The following HK1 variants were observed in gnomAD, a reference collection of about 807,000 sequenced individuals.
HK1 encodes the protein hexokinase 1.
In HK1, 28 loss-of-function variants were observed where a neutral mutation model predicts 91.6. The ratio of observed to expected loss-of-function variants is 0.31; its 90% CI spans 0.23 to 0.42. HK1 has a LOEUF of 0.42. Among genes scored for constraint, HK1 ranks in the 10% least tolerant of loss-of-function variants. The probability of loss-of-function intolerance (pLI) is 1.00; values close to 1 mark genes in which losing one functional copy is unlikely to be tolerated. For synonymous variants in HK1, 430 were observed against 468.1 expected (o/e 0.92, Z 1.05); for missense variants, 770 against 1,219.8 (o/e 0.63, Z 5.49).
At chr10:69,295,032 A>AGG (rs1363818154) in intron 3 of HK1, among the ~76,000 whole-genome samples, 2 of 146,020 alleles carry the variant, frequency 1.4e-5, no homozygotes, top group African/African-American at 5.1e-5. Context: ...AGAGAGAGAG[A>AGG]GAGAAAGAGA....
At chr10:69,290,607 T>C (rs1413530913) in intron 3 of HK1, among the ~76,000 whole-genome samples, 2 of 152,218 alleles carry the variant, frequency 1.3e-5, no homozygotes, top group African/African-American at 4.8e-5. Flanking sequence ...CATGCAGTTT[T>C]CCTGCCTCAG....
Position 69,398,713 on chromosome 10 carries a change from C to G in HK1, c.2494C>G (p.Gln832Glu). The change falls in exon 17 of 18, where the codon CAG becomes GAG. Residue 832 changes from glutamine to glutamate, a missense_variant. Transcript: ENST00000359426. ...VCGVVSRRAA[Q>E]LCGAGMAAVV... ...CGGGGTGGTGTCCAGGAGGGCCGCA[C>G]AGCTGTGTGGCGCAGGCATGGCTGC... is the stretch of plus-strand genomic sequence containing the variant. The G allele has an allele frequency of 6.2e-7, 1 of 1,614,216 alleles. No individual in the cohort carries two copies. The highest frequency in any genetic ancestry group is 8.5e-7 in the Non-Finnish European group (1 of 1,180,032).
chr10:69,306,020 C>T (rs532857048), intron 5 of HK1, among the ~76,000 whole-genome samples: 24 of 152,148 alleles, frequency 1.6e-4, no homozygotes, highest in African/African-American at 5.5e-4. Context: ...ATCTGTGACC[C>T]ACACTTTTTC....
chr10:69,379,533 T>C (rs1232725402), intron 8 of HK1, among the ~76,000 whole-genome samples: 3 of 152,000 alleles, frequency 2.0e-5, no homozygotes, highest in Non-Finnish European at 2.9e-5. Context: ...GAGTGGGAGG[T>C]TCTCCTGAGC....
At chr10:69,312,869 TA>T (rs1473688338), upstream of HK1, among the ~76,000 whole-genome samples, 4 of 152,198 alleles carry the variant, frequency 2.6e-5, no homozygotes, top group African/African-American at 9.6e-5. Flanking sequence ...TGTTGATCTT[TA>T]AGGGCCTTTC....
intron 3 of HK1, among the ~76,000 whole-genome samples, chr10:69,291,170 G>A (rs1481046390): frequency 6.6e-6 from 1 of 152,244 alleles, no homozygotes; most frequent in Non-Finnish European, 1.5e-5. Context: ...GGCCAGGCCA[G>A]CCTTGGAGAG....
In HK1 at chr10:69,275,810, C is replaced by A. The variant is rs907253390; in HGVS notation, c.-391+5702C>A. Among the ~76,000 whole-genome samples, 35 of 152,100 alleles carry A rather than the reference C, an allele frequency of 2.3e-4. 2 individuals carry two copies. Among genetic ancestry groups the A allele is most frequent in the Admixed American group, 2.3e-3 (35 of 15,244 alleles). ...GCACTTAAAATATATTCTGTATTAG[C>A]TGGGCACAGTGGCTCATGCCTGTAA... On this transcript the variant is annotated intron_variant, in intron 1 of 21. Transcript: ENST00000360289.
At chr10:69,347,531 G>A (rs777017471) in intron 2 of HK1, among the ~76,000 whole-genome samples, 5 of 151,818 alleles carry the variant, frequency 3.3e-5, no homozygotes, top group African/African-American at 9.7e-5. Context: ...CGCCTCCCGG[G>A]TTCAAGCAAT....
intron 3 of HK1, chr10:69,288,830 A>C: frequency 6.9e-7 from 1 of 1,443,972 alleles, no homozygotes; most frequent in Middle Eastern, 1.8e-4. Flanking sequence ...TCCATCGCCC[A>C]GGCTGGAGTG....
At chr10:69,281,436 C>G (rs748798220) in intron 1 of HK1, among the ~76,000 whole-genome samples, 1 of 152,228 alleles carries the variant, frequency 6.6e-6, no homozygotes, top group Non-Finnish European at 1.5e-5. Context: ...TCTTTCTCTT[C>G]CTCATCCTCC....
At chr10:69,368,782 G>C (rs1849837411) in intron 5 of HK1, 151 bp downstream of exon 5, 1 of 722,722 alleles carries the variant, frequency 1.4e-6, no homozygotes, top group East Asian at 2.7e-5. Flanking sequence ...AGTGTGGAAT[G>C]ATGAGGATGG....
rs1309852859 is a variant in HK1, at chr10:69,401,568, T to TC, written c.*436dup. The TC allele has an allele frequency of 2.8e-6, 1 of 362,908 alleles. No individual in the cohort carries two copies. Among genetic ancestry groups the TC allele is most frequent in the Non-Finnish European group, 5.4e-6 (1 of 184,894 alleles). 22.5% of individuals were successfully genotyped at this position (362,908 alleles called of 1,614,324 possible). A position where few individuals can be genotyped will look rare whatever the true frequency, so the allele number is the denominator to read the frequency against. ...ACCAGCAGACACTGCCGGGCCTCCCTCCCGGGGGCACTGCCTGAAGGCGAG... is the reference window on the plus strand; with the variant it reads ...ACCAGCAGACACTGCCGGGCCTCCCTCCCCGGGGGCACTGCCTGAAGGCGAG... On this transcript the variant is annotated 3_prime_UTR_variant, in exon 18 of 18. Coordinates refer to ENST00000359426, the MANE Select transcript of HK1 (RefSeq NM_000188.3).
Position 69,343,188 on chromosome 10 carries a change from C to T in HK1, c.64-639C>T, listed in dbSNP as rs549815524. Among the ~76,000 whole-genome samples the T allele has an allele frequency of 2.2e-4, 33 of 152,292 alleles. No homozygotes were observed. The South Asian group carries it at 6.6e-3, about 31-fold the overall frequency. On this transcript the variant is annotated intron_variant, in intron 1 of 17. Coordinates refer to ENST00000359426, the MANE Select transcript of HK1 (RefSeq NM_000188.3). ...CTCAGAAGGGTCCTAGCCCTTTGGC[C>T]GCCATTTCTGTCTTTCTAGAAGTCT...
rs373361534 is a variant in HK1, at chr10:69,318,943, C to T, written c.-5C>T. On this transcript the variant is annotated 5_prime_UTR_variant, in exon 1 of 18. Transcript: ENST00000359426. ...GCCTGCCGCCCCGCGACCCCGACCG[C>T]CAGCATGATCGCCGCGCAGCTCCTG... 12 of 1,591,282 alleles carry T rather than the reference C, an allele frequency of 7.5e-6. No individual in the cohort carries two copies. Among genetic ancestry groups the T allele is most frequent in the Admixed American group, 1.7e-5 (1 of 57,960 alleles).
intron 1 of HK1, among the ~76,000 whole-genome samples, chr10:69,279,481 AC>A (rs1487397987): frequency 6.6e-6 from 1 of 152,186 alleles, no homozygotes; most frequent in Non-Finnish European, 1.5e-5. Flanking sequence ...GAGAGGCTGA[AC>A]TGGGTTTGCA....
At chr10:69,367,290 G>C (rs1213752075) in intron 4 of HK1, among the ~76,000 whole-genome samples, 1 of 152,188 alleles carries the variant, frequency 6.6e-6, no homozygotes, top group African/African-American at 2.4e-5. Flanking sequence ...CCCATCCAGA[G>C]GCCTGTGCAT....
chr10:69,325,682 G>A (rs1053108417), intron 1 of HK1, among the ~76,000 whole-genome samples: 2 of 151,326 alleles, frequency 1.3e-5, no homozygotes, highest in South Asian at 2.1e-4. Flanking sequence ...GATTACAGTC[G>A]CCTGCCACCA....
intron 2 of HK1, among the ~76,000 whole-genome samples, chr10:69,358,503 C>A (rs1397356650): frequency 2.0e-5 from 3 of 152,136 alleles, no homozygotes; most frequent in Non-Finnish European, 2.9e-5. Context: ...ACCCAAGGGT[C>A]CATCAACAGA....
At chr10:69,309,185 C>CTT (rs779001663) in intron 5 of HK1, among the ~76,000 whole-genome samples, 3 of 141,238 alleles carry the variant, frequency 2.1e-5, no homozygotes, top group Non-Finnish European at 1.6e-5. Context: ...TTCTTTCTTT[C>CTT]TTTTTTTTTT....
Sources: allele counts gnomAD v4.1 joint callset (sites outside exome capture counted in the v4.1 genomes callset), GRCh38; gene constraint gnomAD v4.1.1; transcripts MANE v1.5; gene names NCBI Gene and HGNC (gene_info 2026-07-23, HGNC 2026-07-21).